Variants in DGKI observed in about 807,000 individuals in gnomAD.
DGKI encodes DAG kinase iota.
A neutral mutation model predicts 147.5 loss-of-function variants in DGKI; 55 were observed. The observed-to-expected ratio is 0.37, with a 90% CI of 0.30 to 0.47. The LOEUF (loss-of-function observed/expected upper bound fraction) is 0.47, where lower values mean the gene tolerates loss of function less well. Ranked by LOEUF, DGKI falls within the 20% of genes least tolerant of loss-of-function variation. The probability of loss-of-function intolerance (pLI) is 1.00; values close to 1 mark genes in which losing one functional copy is unlikely to be tolerated. For missense variants in DGKI, 1,007 were observed against 1,323.8 expected (o/e 0.76, Z 3.71); for synonymous variants, 469 against 477.1 (o/e 0.98, Z 0.22).
chr7:137,421,375 C>A (rs1812564574), intron 28 of DGKI, among the ~76,000 whole-genome samples: 1 of 152,238 alleles, frequency 6.6e-6, no homozygotes, highest in Non-Finnish European at 1.5e-5. Context: ...TCCCCCAATT[C>A]AATTAATTCC....
intron 1 of DGKI, among the ~76,000 whole-genome samples, chr7:137,742,306 T>A (rs941057807): frequency 2.0e-5 from 3 of 150,312 alleles, no homozygotes; most frequent in African/African-American, 7.4e-5. Context: ...CGCTGTTACA[T>A]CCAAAAGGAT....
At chr7:137,798,012 G>A (rs1797085467) in intron 1 of DGKI, among the ~76,000 whole-genome samples, 1 of 152,062 alleles carries the variant, frequency 6.6e-6, no homozygotes, top group African/African-American at 2.4e-5. Context: ...ATTACTAAAT[G>A]GGGGAACATC....
intron 1 of DGKI, among the ~76,000 whole-genome samples, chr7:137,812,777 G>A (rs1797628486): frequency 6.6e-6 from 1 of 152,128 alleles, no homozygotes; most frequent in African/African-American, 2.4e-5. Flanking sequence ...TTAGTCCCAA[G>A]AAGGTTGACT....
intron 20 of DGKI, chr7:137,546,013 A>G (rs1454812844): frequency 1.9e-5 from 13 of 698,100 alleles, no homozygotes. Flanking sequence ...GACAGCGTGG[A>G]CAGACAAGGA....
intron 19 of DGKI, among the ~76,000 whole-genome samples, chr7:137,557,360 C>A (rs956913996): frequency 1.3e-5 from 2 of 152,034 alleles, no homozygotes; most frequent in Non-Finnish European, 2.9e-5. Flanking sequence ...CTTAAAGATG[C>A]AGTCATTAAA....
At chr7:137,504,755 AC>A (rs1359061793) in intron 21 of DGKI, among the ~76,000 whole-genome samples, 2 of 152,176 alleles carry the variant, frequency 1.3e-5, no homozygotes, top group African/African-American at 4.8e-5. Flanking sequence ...TTTAAAAAAA[AC>A]CCATTCCCTA....
chr7:137,549,296 T>C (rs1817967487), intron 20 of DGKI, among the ~76,000 whole-genome samples: 1 of 152,190 alleles, frequency 6.6e-6, no homozygotes, highest in East Asian at 1.9e-4. Context: ...AATTCTGGGC[T>C]GAAGACACAG....
intron 12 of DGKI, among the ~76,000 whole-genome samples, chr7:137,589,076 G>A (rs938005985): frequency 6.6e-6 from 1 of 152,122 alleles, no homozygotes; most frequent in East Asian, 1.9e-4. Flanking sequence ...AGACCCTCCT[G>A]GAAGCAGTGG....
chr7:137,556,479 G>A (rs755558159), intron 19 of DGKI, among the ~76,000 whole-genome samples: 12 of 151,938 alleles, frequency 7.9e-5, no homozygotes, highest in Non-Finnish European at 1.8e-4. Context: ...AAATTCACAG[G>A]CCAAGTGTTA....
At chr7:137,774,927 T>C (rs1796319847) in intron 1 of DGKI, 2 of 152,256 alleles carry the variant, frequency 1.3e-5, no homozygotes, top group Non-Finnish European at 2.9e-5. Flanking sequence ...CTGCTAACCA[T>C]TTCTGAAAAG....
chr7:137,812,361 A>T (rs1486755171), intron 1 of DGKI, among the ~76,000 whole-genome samples: 1 of 152,254 alleles, frequency 6.6e-6, no homozygotes, highest in Non-Finnish European at 1.5e-5. Context: ...GACTATCATC[A>T]TCATCATCAT....
At chr7:137,732,853 C>G (rs929365779) in intron 1 of DGKI, among the ~76,000 whole-genome samples, 1 of 151,936 alleles carries the variant, frequency 6.6e-6, no homozygotes, top group Admixed American at 6.6e-5. Flanking sequence ...CCCACTACCA[C>G]TTCTCCCAGC....
At chr7:137,472,401 T>TATATACATATACATAG (rs1815010077) in intron 23 of DGKI, among the ~76,000 whole-genome samples, 1 of 131,540 alleles carries the variant, frequency 7.6e-6, no homozygotes. Context: ...ATTATAATTA[T>TATATACATATACATAG]TATATGTATA....
At chr7:137,664,377 C>CAAAAAAAAAAA (rs1190186766) in intron 3 of DGKI, among the ~76,000 whole-genome samples, 2 of 56,038 alleles carry the variant, frequency 3.6e-5, no homozygotes, top group Non-Finnish European at 5.3e-5. Flanking sequence ...GACTCCATCT[C>CAAAAAAAAAAA]AAAAAAAAAA....
rs535767458 is a variant in DGKI, at chr7:137,539,004, A to G, written c.2147+13365T>C. On this transcript the variant is annotated intron_variant, in intron 20 of 32. Transcript: ENST00000614521. ...GCTTGTGCTCCAGCTCTAAGAAAAG[A>G]AGGGACTCTGAATGCCGAAAGAAAT... Among the ~76,000 whole-genome samples, 14 of 152,246 alleles carry G rather than the reference A, an allele frequency of 9.2e-5. No individual in the cohort carries two copies. The South Asian group carries it at 2.9e-3, about 32-fold the overall frequency.
intron 21 of DGKI, among the ~76,000 whole-genome samples, chr7:137,509,686 G>A (rs1816510180): frequency 6.6e-6 from 1 of 152,160 alleles, no homozygotes; most frequent in South Asian, 2.1e-4. Flanking sequence ...AAGGCAGTTT[G>A]ATAACACCTA....
intron 6 of DGKI, among the ~76,000 whole-genome samples, chr7:137,628,511 C>T (rs182294055): frequency 1.4e-4 from 21 of 152,132 alleles, no homozygotes; most frequent in African/African-American, 4.6e-4. Flanking sequence ...CTCAGCATGC[C>T]AAAATGAACC....
intron 19 of DGKI, among the ~76,000 whole-genome samples, chr7:137,555,721 T>G (rs1818202277): frequency 6.6e-6 from 1 of 150,986 alleles, no homozygotes; most frequent in Non-Finnish European, 1.5e-5. Context: ...TTTTAAAAAT[T>G]GAAAGAGTTA....
At chr7:137,541,573 G>GA (rs1343695314) in intron 20 of DGKI, among the ~76,000 whole-genome samples, 3 of 152,172 alleles carry the variant, frequency 2.0e-5, no homozygotes, top group Non-Finnish European at 1.5e-5. Context: ...AGGGACTCTG[G>GA]AAAAAATCCC....
Sources: allele counts gnomAD v4.1 joint callset (sites outside exome capture counted in the v4.1 genomes callset), GRCh38; gene constraint gnomAD v4.1.1; transcripts MANE v1.5; gene names NCBI Gene and HGNC (gene_info 2026-07-23, HGNC 2026-07-21).